Variants in OSBPL3 observed in about 807,000 individuals in gnomAD.
OSBPL3 encodes the protein oxysterol binding protein like 3, also known as oxysterol-binding protein-related protein 3.
OSBPL3 carries 65 observed loss-of-function variants against 120.1 expected under a neutral mutation model. That is an observed-to-expected ratio of 0.54 (90% CI 0.44 to 0.67). OSBPL3 has a LOEUF of 0.67. Among genes scored for constraint, OSBPL3 ranks in the 30% least tolerant of loss-of-function variants. The pLI is 0.00. For missense variants in OSBPL3, 1,004 were observed against 1,082.1 expected (o/e 0.93, Z 1.01); for synonymous variants, 416 against 402.6 (o/e 1.03, Z -0.40).
rs1009144140 is a variant in OSBPL3, at chr7:24,900,066, G to T, written c.-149-7445C>A. Among the ~76,000 whole-genome samples the T allele has an allele frequency of 1.3e-5, 2 of 152,208 alleles. No homozygotes were observed. Among genetic ancestry groups the T allele is most frequent in the African/African-American group, 4.8e-5 (2 of 41,456 alleles). On this transcript the variant is annotated intron_variant, in intron 1 of 22. Transcript: ENST00000313367. This position sits in a 1 kb window ranked among gnomAD's most constrained non-coding sequence, Gnocchi z 4.5. ...CCTCTTTTATTATCGTAGTCCTGTG[G>T]TTTTTAAAGAGGGGCCCTAAGACTT...
In OSBPL3 at chr7:24,967,481, T is replaced by C. The variant is rs1323640027; in HGVS notation, c.-150+12405A>G. Among the ~76,000 whole-genome samples the C allele has an allele frequency of 6.6e-6, 1 of 152,164 alleles. No individual in the cohort carries two copies. Among genetic ancestry groups the C allele is most frequent in the Non-Finnish European group, 1.5e-5 (1 of 68,024 alleles). On this transcript the variant is annotated intron_variant, in intron 1 of 22. Coordinates refer to ENST00000313367, the MANE Select transcript of OSBPL3 (RefSeq NM_015550.4). The surrounding 1 kb of genome is among the most constrained non-coding windows in gnomAD (Gnocchi z 5.6). ...ATGAGATCTCTCCTGGTTTATTCTTTGACATTACCCTCCCCAACTCAACGG... is the reference window on the plus strand; with the variant it reads ...ATGAGATCTCTCCTGGTTTATTCTTCGACATTACCCTCCCCAACTCAACGG...
rs1306038984 is a variant in OSBPL3, at chr7:24,873,993, C to T, written c.97-1924G>A. ...ATGCGGTTTTATCATCCCTGCTGGA[C>T]AGCAGGCTCCTTGAGGGTATAAAGG... On this transcript the variant is annotated intron_variant, in intron 2 of 22. Coordinates refer to ENST00000313367, the MANE Select transcript of OSBPL3 (RefSeq NM_015550.4). The surrounding 1 kb of genome is among the most constrained non-coding windows in gnomAD (Gnocchi z 4.1). Among the ~76,000 whole-genome samples the T allele has an allele frequency of 6.6e-6, 1 of 152,188 alleles. No individual in the cohort carries two copies. Among genetic ancestry groups the T allele is most frequent in the Non-Finnish European group, 1.5e-5 (1 of 68,040 alleles).
rs999527009 is a variant in OSBPL3, at chr7:24,871,482, C to A, written c.267+260G>T. Among the ~76,000 whole-genome samples the A allele has an allele frequency of 6.6e-6, 1 of 152,168 alleles. No individual in the cohort carries two copies. The highest frequency in any genetic ancestry group is 2.4e-5 in the African/African-American group (1 of 41,424). ...ATCTAGCTGCAAGGATGTATTCTCCCACCCCAGGAACTCCTTAGCACAACC... is the reference window on the plus strand; with the variant it reads ...ATCTAGCTGCAAGGATGTATTCTCCAACCCCAGGAACTCCTTAGCACAACC... On this transcript the variant is annotated intron_variant, in intron 4 of 22. Coordinates refer to ENST00000313367, the MANE Select transcript of OSBPL3 (RefSeq NM_015550.4). This position sits in a 1 kb window ranked among gnomAD's most constrained non-coding sequence, Gnocchi z 4.8.
In OSBPL3 at chr7:24,964,947, A is replaced by C. The variant is rs1816206735; in HGVS notation, c.-150+14939T>G. Among the ~76,000 whole-genome samples, 1 of 152,250 alleles carries C rather than the reference A, an allele frequency of 6.6e-6. No individual in the cohort carries two copies. The highest frequency in any genetic ancestry group is 1.5e-5 in the Non-Finnish European group (1 of 68,044). ...ATCTCTAAGCTTTTTACTAGCTTTA[A>C]AGGCAATGTTTTGGGAAGTATTTTT... is the stretch of plus-strand genomic sequence containing the variant. On this transcript the variant is annotated intron_variant, in intron 1 of 22. Transcript: ENST00000313367. This position sits in a 1 kb window ranked among gnomAD's most constrained non-coding sequence, Gnocchi z 4.2.
rs576980251 is a variant in OSBPL3, at chr7:24,827,111, C to T, written c.1884+3657G>A. ...AAAATTCCACCCAAAAATATTAATTCGGGGGGCTTGCCCAGTTTATTATAC... is the reference window on the plus strand; with the variant it reads ...AAAATTCCACCCAAAAATATTAATTTGGGGGGCTTGCCCAGTTTATTATAC... On this transcript the variant is annotated intron_variant, in intron 16 of 22. Transcript: ENST00000313367. This position sits in a 1 kb window ranked among gnomAD's most constrained non-coding sequence, Gnocchi z 5.1. Among the ~76,000 whole-genome samples, 208 of 152,266 alleles carry T rather than the reference C, an allele frequency of 1.4e-3. No individual in the cohort carries two copies. Among genetic ancestry groups the T allele is most frequent in the African/African-American group, 4.6e-3 (190 of 41,548 alleles).
intron 9 of OSBPL3, among the ~76,000 whole-genome samples, 161 bp from the exon 10 acceptor site, chr7:24,861,930 A>C (rs567121387): frequency 2.1e-4 from 31 of 146,408 alleles, no homozygotes; most frequent in Admixed American, 1.8e-3. Flanking sequence ...TCTGCCACCC[A>C]GGCTGGAGTG....
chr7:24,870,406 T>C (rs1355019075), intron 5 of OSBPL3, among the ~76,000 whole-genome samples: 5 of 152,214 alleles, frequency 3.3e-5, no homozygotes, highest in African/African-American at 9.6e-5. Flanking sequence ...TTTTAACCTA[T>C]GGTAAATGGT....
In OSBPL3 at chr7:24,797,210, G is replaced by A. The variant is rs1791809857; in HGVS notation, c.*2973C>T. The stretch of plus-strand genomic sequence containing the variant: ...ACTCATGATAAATCTGGAAGATGCA[G>A]ATGGAAGACAGTGCTTGAAGCCCAA... On this transcript the variant is annotated 3_prime_UTR_variant, in exon 23 of 23. Transcript: ENST00000313367. The surrounding 1 kb of genome is among the most constrained non-coding windows in gnomAD (Gnocchi z 4.8). 6.6e-6 allele frequency: 1 copy of A among 152,226 alleles called. No individual in the cohort carries two copies. Among genetic ancestry groups the A allele is most frequent in the African/African-American group, 2.4e-5 (1 of 41,466 alleles). 9.4% of individuals were successfully genotyped at this position (152,226 alleles called of 1,614,324 possible). A position where few individuals can be genotyped will look rare whatever the true frequency, so the allele number is the denominator to read the frequency against.
rs927812227 is a variant in OSBPL3 at position 24,803,669 on chromosome 7, G to C, written c.2567+646C>G. Among the ~76,000 whole-genome samples, 3 of 152,120 alleles carry C rather than the reference G, an allele frequency of 2.0e-5. No individual in the cohort carries two copies. The highest frequency in any genetic ancestry group is 4.4e-5 in the Non-Finnish European group (3 of 68,034). On this transcript the variant is annotated intron_variant, in intron 22 of 22. Coordinates refer to ENST00000313367, the MANE Select transcript of OSBPL3 (RefSeq NM_015550.4). The surrounding 1 kb of genome is among the most constrained non-coding windows in gnomAD (Gnocchi z 4.2). Reference sequence around the variant, plus strand: ...GCCTGTAGTCCCAGCTACTTAGGAGGCTGAGGCAGGAGAATCGCTTGAACC... The same window carrying C: ...GCCTGTAGTCCCAGCTACTTAGGAGCCTGAGGCAGGAGAATCGCTTGAACC...
chr7:24,890,521 G>T (rs146644128), intron 2 of OSBPL3, among the ~76,000 whole-genome samples: 2 of 152,202 alleles, frequency 1.3e-5, no homozygotes, highest in Non-Finnish European at 2.9e-5. Context: ...GAAACACTAA[G>T]CATACCCTGG....
rs1398608314 is a variant in OSBPL3, at chr7:24,805,657, C to T, written c.2444+1119G>A. Among the ~76,000 whole-genome samples the T allele has an allele frequency of 1.3e-5, 2 of 152,172 alleles. No individual in the cohort carries two copies. Among genetic ancestry groups the T allele is most frequent in the African/African-American group, 4.8e-5 (2 of 41,428 alleles). ...ATGTGCATAGCAAGATAGCTTGAAGCATTCTATGTATGGCTTTCTTTAAAA... is the reference window on the plus strand; with the variant it reads ...ATGTGCATAGCAAGATAGCTTGAAGTATTCTATGTATGGCTTTCTTTAAAA... On this transcript the variant is annotated intron_variant, in intron 21 of 22. Coordinates refer to ENST00000313367, the MANE Select transcript of OSBPL3 (RefSeq NM_015550.4). The surrounding 1 kb of genome is among the most constrained non-coding windows in gnomAD (Gnocchi z 4.0).
intron 2 of OSBPL3, among the ~76,000 whole-genome samples, chr7:24,887,844 C>G (rs1009419062): frequency 6.6e-6 from 1 of 152,150 alleles, no homozygotes; most frequent in Admixed American, 6.5e-5. Flanking sequence ...GAGATAGATG[C>G]TGGCATAGAG....
chr7:24,838,962 G>A lies in OSBPL3; in HGVS notation c.1495+1728C>T, dbSNP rs567760822. On this transcript the variant is annotated intron_variant, in intron 14 of 22. Transcript: ENST00000313367. ...ACATTTCAAACAAAATACCAACCAC[G>A]ATGAGCATCTTACTTCTAGCAGGTG... 5.9e-5 allele frequency among the ~76,000 whole-genome samples: 9 copies of A among 152,244 alleles called. No homozygotes were observed. The East Asian group carries it at 1.3e-3, about 23-fold the overall frequency.
Position 24,819,490 on chromosome 7 carries a change from G to A in OSBPL3, c.1948+685C>T, listed in dbSNP as rs1025163127. On this transcript the variant is annotated intron_variant, in intron 17 of 22. Coordinates refer to ENST00000313367, the MANE Select transcript of OSBPL3 (RefSeq NM_015550.4). The surrounding 1 kb of genome is among the most constrained non-coding windows in gnomAD (Gnocchi z 4.1). The stretch of plus-strand genomic sequence containing the variant: ...CAAAGAGAGAAACTGAGTGGCTGGG[G>A]AAGGGGGTTACAGTATACTGTTTCG... 3.3e-5 allele frequency among the ~76,000 whole-genome samples: 5 copies of A among 152,128 alleles called. No homozygotes were observed. Among genetic ancestry groups the A allele is most frequent in the African/African-American group, 4.8e-5 (2 of 41,428 alleles).
At chr7:24,828,468 C>T (rs1795951309) in intron 16 of OSBPL3, among the ~76,000 whole-genome samples, 1 of 151,778 alleles carries the variant, frequency 6.6e-6, no homozygotes, top group African/African-American at 2.4e-5. Context: ...CTTAGCTGGG[C>T]ATGGTGGCAC....
chr7:24,851,714 C>T lies in OSBPL3; in HGVS notation c.1158+790G>A, dbSNP rs1323463171. Among the ~76,000 whole-genome samples the T allele has an allele frequency of 6.7e-6, 1 of 150,374 alleles. No homozygotes were observed. Among genetic ancestry groups the T allele is most frequent in the African/African-American group, 2.4e-5 (1 of 40,996 alleles). Reference sequence around the variant, plus strand: ...GTATGCTATTTCAAAAGTTCTCTAGCCTCCTGATAGATTCAGGGTAAAAAA... The same window carrying T: ...GTATGCTATTTCAAAAGTTCTCTAGTCTCCTGATAGATTCAGGGTAAAAAA... On this transcript the variant is annotated intron_variant, in intron 11 of 22. Transcript: ENST00000313367. The surrounding 1 kb of genome is among the most constrained non-coding windows in gnomAD (Gnocchi z 4.1).
At chr7:24,962,425 G>A (rs1815876253) in intron 1 of OSBPL3, among the ~76,000 whole-genome samples, 1 of 130,788 alleles carries the variant, frequency 7.6e-6, no homozygotes, top group Non-Finnish European at 1.7e-5. Context: ...GGAGGGGAGG[G>A]GAGAGGAGAG....
chr7:24,949,344 C>T (rs1260632061), intron 1 of OSBPL3, among the ~76,000 whole-genome samples: 2 of 152,176 alleles, frequency 1.3e-5, no homozygotes, highest in Non-Finnish European at 2.9e-5. Context: ...TTGGGTGTGT[C>T]TCACATTTAA....
chr7:24,825,895 C>T (rs548420600), intron 16 of OSBPL3, among the ~76,000 whole-genome samples: 2 of 152,354 alleles, frequency 1.3e-5, no homozygotes, highest in South Asian at 4.1e-4. Flanking sequence ...GCTTTTCTGA[C>T]ACTGTCAAGG....
Sources: gnomAD v4.1 joint callset for allele counts (sites outside exome capture counted in the v4.1 genomes callset) on GRCh38, gnomAD v4.1.1 for gene constraint, Gnocchi (gnomAD v3.1) non-coding constraint, MANE v1.5 for transcripts, NCBI Gene and HGNC (gene_info 2026-07-23, HGNC 2026-07-21) for gene names.